Variants in MRAS observed in about 807,000 individuals in gnomAD.
MRAS encodes the protein ras-related protein M-Ras.
In MRAS, 4 loss-of-function variants were observed where a neutral mutation model predicts 20.9. The observed-to-expected ratio is 0.19, with a 90% CI of 0.09 to 0.44. MRAS has a LOEUF of 0.44. Among genes scored for constraint, MRAS ranks in the 20% least tolerant of loss-of-function variants. The pLI, the probability that MRAS is intolerant of heterozygous loss-of-function variation, is 0.99. For synonymous variants in MRAS, 98 were observed against 102.9 expected (o/e 0.95, Z 0.29); for missense variants, 154 against 277.5 (o/e 0.56, Z 3.16).
chr3:138,379,810 A>G (rs150226254), intron 2 of MRAS, among the ~76,000 whole-genome samples: 198 of 152,246 alleles, frequency 1.3e-3, no homozygotes, highest in African/African-American at 4.4e-3. Flanking sequence ...TATCACTTCA[A>G]TATACTGATT....
At chr3:138,401,118 C>A (rs2055351724) in intron 5 of MRAS, among the ~76,000 whole-genome samples, 1 of 152,228 alleles carries the variant, frequency 6.6e-6, no homozygotes, top group Non-Finnish European at 1.5e-5. Context: ...TGTCAGCAAT[C>A]CTAATGAAAG....
chr3:138,364,101 T>C (rs2054512483), intron 1 of MRAS, among the ~76,000 whole-genome samples: 1 of 152,118 alleles, frequency 6.6e-6, no homozygotes, highest in African/African-American at 2.4e-5. Context: ...CTGTAGTGAT[T>C]CGGTGGCCAG....
intron 2 of MRAS, among the ~76,000 whole-genome samples, chr3:138,387,015 C>A (rs1403468126): frequency 6.6e-6 from 1 of 152,060 alleles, no homozygotes; most frequent in Non-Finnish European, 1.5e-5. Context: ...GTGAGGGGTC[C>A]CATGCCTCTC....
chr3:138,362,946 G>A (rs115667335), intron 1 of MRAS, among the ~76,000 whole-genome samples: 2,266 of 152,228 alleles, frequency 0.015, 26 homozygotes, highest in Middle Eastern at 0.024. Context: ...TCGCAGTACC[G>A]AGTGTCTCCT....
At chr3:138,376,949 T>C (rs900064347) in intron 2 of MRAS, among the ~76,000 whole-genome samples, 3 of 152,244 alleles carry the variant, frequency 2.0e-5, no homozygotes, top group Non-Finnish European at 4.4e-5. Flanking sequence ...CAATCAGTAT[T>C]TCTCTCTACA....
intron 2 of MRAS, among the ~76,000 whole-genome samples, chr3:138,385,457 AT>A (rs1273164179): frequency 1.3e-5 from 2 of 149,730 alleles, no homozygotes; most frequent in African/African-American, 4.9e-5. Context: ...TTATTTGTAA[AT>A]TTTTTTGTTT....
chr3:138,387,089 C>A (rs1054827129), intron 2 of MRAS, among the ~76,000 whole-genome samples: 1 of 152,148 alleles, frequency 6.6e-6, no homozygotes, highest in Non-Finnish European at 1.5e-5. Flanking sequence ...TGTTTCAATT[C>A]CTGAGCTGAG....
intron 2 of MRAS, among the ~76,000 whole-genome samples, chr3:138,381,215 T>C (rs2054896821): frequency 6.6e-6 from 1 of 152,258 alleles, no homozygotes; most frequent in South Asian, 2.1e-4. Context: ...GGTATATAAA[T>C]ATCTGAGTCC....
At chr3:138,383,365 G>A (rs1022260670) in intron 2 of MRAS, among the ~76,000 whole-genome samples, 6 of 152,232 alleles carry the variant, frequency 3.9e-5, no homozygotes, top group East Asian at 1.9e-4. Flanking sequence ...GGGTCTCACC[G>A]TGCCACCCAG....
intron 3 of MRAS, among the ~76,000 whole-genome samples, chr3:138,397,678 G>T (rs551994407): frequency 6.6e-6 from 1 of 152,304 alleles, no homozygotes; most frequent in South Asian, 2.1e-4. Context: ...AAGAGGCTAT[G>T]TAATGAAAAT....
chr3:138,364,487 A>G (rs1334351921), intron 1 of MRAS, among the ~76,000 whole-genome samples: 1 of 152,234 alleles, frequency 6.6e-6, no homozygotes. Flanking sequence ...TAACTTGCCT[A>G]GGGTTGCAGG....
chr3:138,367,038 C>T (rs576851885), intron 1 of MRAS, among the ~76,000 whole-genome samples: 4 of 152,168 alleles, frequency 2.6e-5, no homozygotes, highest in Non-Finnish European at 5.9e-5. Flanking sequence ...TGGCAAATTT[C>T]GTGAGGGGTA....
At chr3:138,377,534 G>A (rs2054809943) in intron 2 of MRAS, among the ~76,000 whole-genome samples, 1 of 152,234 alleles carries the variant, frequency 6.6e-6, no homozygotes, top group Admixed American at 6.5e-5. Context: ...AACCCAGGAG[G>A]CGGAGGTTGC....
chr3:138,363,440 C>T (rs868706450), intron 1 of MRAS, among the ~76,000 whole-genome samples: 60 of 152,286 alleles, frequency 3.9e-4, no homozygotes, highest in Middle Eastern at 3.4e-3. Context: ...AAGCCTTCCG[C>T]AGCACCCCCA....
intron 4 of MRAS, among the ~76,000 whole-genome samples, chr3:138,398,770 TC>T (rs2055295989): frequency 6.6e-6 from 1 of 152,220 alleles, no homozygotes; most frequent in South Asian, 2.1e-4. Flanking sequence ...TAGAGACAGG[TC>T]CCCTAGAAAG....
At chr3:138,392,101 G>C (rs370973361) in intron 2 of MRAS, among the ~76,000 whole-genome samples, 2 of 152,098 alleles carry the variant, frequency 1.3e-5, no homozygotes, top group African/African-American at 4.8e-5. Context: ...TTGCACCACT[G>C]CACTCCAGCC....
chr3:138,358,761 C>G (rs2054386925), intron 1 of MRAS, among the ~76,000 whole-genome samples: 1 of 152,228 alleles, frequency 6.6e-6, no homozygotes, highest in Non-Finnish European at 1.5e-5. Context: ...AGGATGCTGT[C>G]AAGGCAGACA....
At chr3:138,384,431 G>A (rs1278579557) in intron 2 of MRAS, among the ~76,000 whole-genome samples, 1 of 152,176 alleles carries the variant, frequency 6.6e-6, no homozygotes, top group South Asian at 2.1e-4. Context: ...AGGAGGAAAC[G>A]ACAGGATTTG....
rs550732638 is a variant in MRAS at position 138,401,291 on chromosome 3, G to A, written c.527+678G>A. Among the ~76,000 whole-genome samples the A allele has an allele frequency of 2.6e-5, 4 of 152,256 alleles. No individual in the cohort carries two copies. In the East Asian group the frequency reaches 5.8e-4, roughly 22 times the overall value. On this transcript the variant is annotated intron_variant, in intron 5 of 5. Transcript: ENST00000423968. The stretch of plus-strand genomic sequence containing the variant: ...AACCAGCGGGTCTCAGACATTGTGC[G>A]TTGAGTTTGTGGCCTATATGCTGGC...
Sources: allele counts gnomAD v4.1 joint callset (sites outside exome capture counted in the v4.1 genomes callset), GRCh38; gene constraint gnomAD v4.1.1; transcripts MANE v1.5; gene names NCBI Gene and HGNC (gene_info 2026-07-23, HGNC 2026-07-21).